The following NUDC variants were observed in gnomAD, a reference collection of about 807,000 sequenced individuals.
NUDC encodes the protein nuclear migration protein nudC.
Under a neutral mutation model 45.0 loss-of-function variants are expected in NUDC, and 14 were observed. That is an observed-to-expected ratio of 0.31 (90% CI 0.21 to 0.49). The LOEUF is 0.49. Among genes scored for constraint, NUDC ranks in the 20% least tolerant of loss-of-function variants. The pLI, the probability that NUDC is intolerant of heterozygous loss-of-function variation, is 0.99. For synonymous variants in NUDC, 153 were observed against 156.7 expected (o/e 0.98, Z 0.17); for missense variants, 323 against 426.2 (o/e 0.76, Z 2.13).
intron 2 of NUDC, among the ~76,000 whole-genome samples, chr1:26,925,978 TC>T (rs2082128794): frequency 6.6e-6 from 1 of 151,982 alleles, no homozygotes; most frequent in African/African-American, 2.4e-5. Context: ...TGCCTTGGCC[TC>T]CCGAAGTGCT....
intron 1 of NUDC, chr1:26,900,550 A>T (rs2081973335): frequency 1.1e-6 from 1 of 903,880 alleles, no homozygotes; most frequent in South Asian, 1.7e-5. Context: ...GTCCTTTGGG[A>T]TTGGGGTTGT....
intron 3 of NUDC, chr1:26,912,177 C>T: frequency 7.3e-6 from 11 of 1,511,212 alleles, no homozygotes; most frequent in South Asian, 1.2e-5. Context: ...CCATCAGAGA[C>T]ACCCCTCTGC....
intron 1 of NUDC, 131 bp downstream of exon 1, chr1:26,922,060 GC>G (rs1313604534): frequency 1.0e-6 from 1 of 953,006 alleles, no homozygotes; most frequent in Non-Finnish European, 1.6e-6. Flanking sequence ...TTCTCACTGC[GC>G]CCAGCTTCCG....
At chr1:26,943,183 A>C in intron 6 of NUDC, 118 bp downstream of exon 6, 1 of 1,030,852 alleles carries the variant, frequency 9.7e-7, no homozygotes, top group Non-Finnish European at 1.5e-6. Context: ...AATCCCCATG[A>C]CAACACTCTT....
chr1:26,942,810 GGC>G, intron 5 of NUDC, 34 bp downstream of exon 5: 1 of 1,614,108 alleles, frequency 6.2e-7, no homozygotes, highest in Non-Finnish European at 8.5e-7. Context: ...AAGCTTAGGG[GGC>G]CAGCCTGGGG....
rs1269239227 is a variant in NUDC, at chr1:26,915,031, G to GTA, written c.93+3807_93+3808dup. On this transcript the variant is annotated intron_variant, in intron 3 of 6. Coordinates refer to the NUDC transcript ENST00000435827. Reference sequence around the variant, plus strand: ...TATATGTATATTTATATGTATATGTGTATATATATATACACATACATACAT... The same window carrying GTA: ...TATATGTATATTTATATGTATATGTGTATATATATATATACACATACATACAT... 3.5e-4 allele frequency among the ~76,000 whole-genome samples: 49 copies of GTA among 139,702 alleles called. 1 individual carries two copies. The highest frequency in any genetic ancestry group is 9.6e-4 in the African/African-American group (35 of 36,608). 91.6% of individuals were successfully genotyped at this position (139,702 alleles called of 152,430 possible). A position where few individuals can be genotyped will look rare whatever the true frequency, so the allele number is the denominator to read the frequency against.
At chr1:26,946,104 G>GT (rs1302595355) in intron 8 of NUDC, 26 bp from the exon 9 acceptor site, 1 of 1,591,542 alleles carries the variant, frequency 6.3e-7, no homozygotes. Context: ...AGGATGAGCT[G>GT]TTTCATCTTG....
intron 2 of NUDC, among the ~76,000 whole-genome samples, chr1:26,907,612 T>G (rs992058237): frequency 2.0e-5 from 3 of 151,752 alleles, no homozygotes; most frequent in Non-Finnish European, 4.4e-5. Flanking sequence ...GTCAGCTGTC[T>G]GACTACTTAA....
chr1:26,920,841 A>G (rs997116591), upstream of NUDC, among the ~76,000 whole-genome samples: 8 of 151,800 alleles, frequency 5.3e-5, no homozygotes, highest in Non-Finnish European at 8.8e-5. Context: ...TGGAGGCTGA[A>G]GTGGGGAAGA....
chr1:26,914,114 T>C, intron 3 of NUDC: 1 of 508,634 alleles, frequency 2.0e-6, no homozygotes. Context: ...GGTGGGGAAG[T>C]GGTGGGGGAG....
intron 2 of NUDC, among the ~76,000 whole-genome samples, chr1:26,934,225 A>G (rs1179020404): frequency 6.6e-6 from 1 of 152,242 alleles, no homozygotes; most frequent in Non-Finnish European, 1.5e-5. Flanking sequence ...ACTTAAAATC[A>G]TGGAAGAAGG....
intron 2 of NUDC, among the ~76,000 whole-genome samples, chr1:26,929,248 A>T (rs552941591): frequency 1.1e-4 from 17 of 152,020 alleles, no homozygotes; most frequent in African/African-American, 2.7e-4. Context: ...TGGAAAAAAA[A>T]TTTTTTTTAA....
In NUDC at chr1:26,946,331, C is replaced by T; in HGVS notation, c.*150C>T. 2 of 749,724 alleles carry T rather than the reference C, an allele frequency of 2.7e-6. No individual in the cohort carries two copies. Among genetic ancestry groups the T allele is most frequent in the African/African-American group, 1.7e-5 (1 of 57,854 alleles). The allele number at this position is 749,724 out of a possible 1,614,324, so 46.4% of individuals were successfully genotyped here. A position where few individuals can be genotyped will look rare whatever the true frequency, so the allele number is the denominator to read the frequency against. On this transcript the variant is annotated 3_prime_UTR_variant, in exon 9 of 9. Coordinates refer to ENST00000321265, the MANE Select transcript of NUDC (RefSeq NM_006600.4). ...AGGTCCCGGGGCATCAGGAGAAAGG[C>T]TGGGTCTTGGGACCTTGTCCTCCCC...
At chr1:26,913,016 C>G (rs567299029) in intron 3 of NUDC, among the ~76,000 whole-genome samples, 1 of 152,320 alleles carries the variant, frequency 6.6e-6, no homozygotes, top group South Asian at 2.1e-4. Flanking sequence ...AGCACGGTGG[C>G]TCACGCCTGT....
intron 3 of NUDC, chr1:26,911,841 C>T (rs769430551): frequency 6.2e-7 from 1 of 1,614,190 alleles, no homozygotes; most frequent in Non-Finnish European, 8.5e-7. Context: ...TGGGCTGGAA[C>T]AGGTCACCTG....
chr1:26,941,384 A>T, intron 2 of NUDC, 73 bp from the exon 3 acceptor site: 1 of 1,503,296 alleles, frequency 6.7e-7, no homozygotes, highest in Non-Finnish European at 9.1e-7. Flanking sequence ...GCAGGTAGAG[A>T]GTGGGGCTGG....
intron 6 of NUDC, 117 bp from the exon 7 acceptor site, chr1:26,945,273 G>A (rs188432223): frequency 3.8e-6 from 3 of 797,138 alleles, no homozygotes; most frequent in East Asian, 2.6e-5. Context: ...GTGTAGGCCT[G>A]CAAGGGTCTC....
intron 2 of NUDC, among the ~76,000 whole-genome samples, chr1:26,908,301 G>A (rs1270216364): frequency 3.3e-5 from 5 of 152,190 alleles, no homozygotes; most frequent in African/African-American, 1.2e-4. Context: ...AACCCAGGAT[G>A]CTGATCATGG....
At position 26,941,085 on chromosome 1, in the gene NUDC, CTT is replaced by C. The variant is rs772114445; in HGVS notation, c.160-348_160-347del. Among the ~76,000 whole-genome samples, 11 of 91,370 alleles carry C rather than the reference CTT, an allele frequency of 1.2e-4. No individual in the cohort carries two copies. In the East Asian group the frequency reaches 1.3e-3, roughly 11 times the overall value. The allele number at this position is 91,370 out of a possible 152,430, so 59.9% of individuals were successfully genotyped here. A position where few individuals can be genotyped will look rare whatever the true frequency, so the allele number is the denominator to read the frequency against. ...TACAGGCCCCCGCCACCATGCCCAG[CTT>C]TTTTTTTTTTTTTTTTTTTTTTTGT... On this transcript the variant is annotated intron_variant, in intron 2 of 8. Coordinates refer to ENST00000321265, the MANE Select transcript of NUDC (RefSeq NM_006600.4).
Sources: gnomAD v4.1 joint callset for allele counts (sites outside exome capture counted in the v4.1 genomes callset) on GRCh38, gnomAD v4.1.1 for gene constraint, MANE v1.5 for transcripts, NCBI Gene and HGNC (gene_info 2026-07-23, HGNC 2026-07-21) for gene names.